AGR2: variants seen among roughly 807,000 people sequenced by gnomAD.
The protein encoded by AGR2 is anterior gradient protein 2 homolog.
A neutral mutation model predicts 25.9 loss-of-function variants in AGR2; 27 were observed. The observed-to-expected ratio is 1.04, with a 90% confidence interval of 0.77 to 1.44. The LOEUF (loss-of-function observed/expected upper bound fraction) is 1.44, where lower values mean the gene tolerates loss of function less well. Ranked by LOEUF, AGR2 falls within the 40% of genes most tolerant of loss-of-function variation. The pLI is 0.00. For synonymous variants in AGR2, 78 were observed against 72.0 expected (o/e 1.08, Z -0.42); for missense variants, 182 against 200.9 (o/e 0.91, Z 0.57).
At chr7:16,802,661 GT>G (rs1785168897) in intron 1 of AGR2, among the ~76,000 whole-genome samples, 1 of 151,970 alleles carries the variant, frequency 6.6e-6, no homozygotes, top group African/African-American at 2.4e-5. Flanking sequence ...AGTTGGGACT[GT>G]TTGTATATAG....
At chr7:16,802,234 T>G (rs2115361045) in intron 1 of AGR2, among the ~76,000 whole-genome samples, 1 of 152,306 alleles carries the variant, frequency 6.6e-6, no homozygotes, top group South Asian at 2.1e-4. Flanking sequence ...CTTATTAATC[T>G]CTTATTGTGC....
At chr7:16,795,151 G>A (rs774649683) in intron 6 of AGR2, 132 bp from the exon 7 acceptor site, 3 of 968,058 alleles carry the variant, frequency 3.1e-6, no homozygotes, top group Non-Finnish European at 4.7e-6. Context: ...ACTCACAGGA[G>A]CTCTGATCCA....
intron 4 of AGR2, 128 bp from the exon 5 acceptor site, chr7:16,799,945 CT>C: frequency 1.5e-6 from 1 of 656,170 alleles, no homozygotes; most frequent in Non-Finnish European, 2.6e-6. Context: ...CTACTTTGGC[CT>C]TTTAGCAAAT....
chr7:16,799,366 A>T (rs536647899), intron 5 of AGR2, among the ~76,000 whole-genome samples: 88 of 152,266 alleles, frequency 5.8e-4, no homozygotes, highest in African/African-American at 2.1e-3. Context: ...AAAGCACAAG[A>T]GGCATGATTA....
chr7:16,800,302 G>A (rs1785119681), intron 4 of AGR2, among the ~76,000 whole-genome samples: 1 of 152,224 alleles, frequency 6.6e-6, no homozygotes, highest in African/African-American at 2.4e-5. Flanking sequence ...TTGAAGTGAG[G>A]GAGTGGTCCA....
At chr7:16,799,209 T>C (rs1472751562) in intron 5 of AGR2, among the ~76,000 whole-genome samples, 5 of 152,116 alleles carry the variant, frequency 3.3e-5, no homozygotes, top group Non-Finnish European at 7.4e-5. Flanking sequence ...CAAAAGGACA[T>C]ATGATTAGGT....
At chr7:16,803,854 A>G (rs1785189902) in intron 1 of AGR2, among the ~76,000 whole-genome samples, 2 of 152,242 alleles carry the variant, frequency 1.3e-5, no homozygotes, top group South Asian at 4.1e-4. Context: ...GTTCAGAAAC[A>G]TATGGCAAAT....
intron 4 of AGR2, 100 bp downstream of exon 4, chr7:16,801,051 A>G (rs773028012): frequency 2.5e-5 from 21 of 824,562 alleles, no homozygotes; most frequent in Non-Finnish European, 3.8e-5. Flanking sequence ...TTCTTTCTTT[A>G]ATGCAACTGT....
At chr7:16,804,495 A>C in intron 1 of AGR2, among the ~76,000 whole-genome samples, 1 of 152,212 alleles carries the variant, frequency 6.6e-6, no homozygotes, top group East Asian at 1.9e-4. Context: ...CAAAAAGAGA[A>C]AGAAAACTGT....
intron 5 of AGR2, among the ~76,000 whole-genome samples, chr7:16,799,042 G>A (rs1785095441): frequency 6.6e-6 from 1 of 152,130 alleles, no homozygotes; most frequent in African/African-American, 2.4e-5. Flanking sequence ...ACAAAATATG[G>A]AAAGAGAAAA....
Position 16,797,668 on chromosome 7 carries a change from A to G in AGR2, c.357T>C (p.Ser119=). The G allele has an allele frequency of 6.2e-7, 1 of 1,613,990 alleles. No individual in the cohort carries two copies. The highest frequency in any genetic ancestry group is 1.1e-5 in the South Asian group (1 of 91,022). Residue 119 remains serine, a synonymous_variant, in exon 6 of 8, where the codon TCT becomes TCC. Coordinates refer to ENST00000419304, the MANE Select transcript of AGR2 (RefSeq NM_006408.4). ...LVYETTDKHL[S]PDGQYVPRIM... ...TCCTGGGGACATACTGGCCATCAGG[A>G]GAAAGGTGTTTGTCAGTTGTTTCAT...
chr7:16,795,810 C>A (rs1192662132), intron 6 of AGR2, among the ~76,000 whole-genome samples: 1 of 152,156 alleles, frequency 6.6e-6, no homozygotes, highest in African/African-American at 2.4e-5. Context: ...ATGTGAGAAC[C>A]ATCTGCATGT....
rs1785128221 is a variant in AGR2 at position 16,800,769 on chromosome 7, G to A, written c.256+382C>T. Among the ~76,000 whole-genome samples, 4 of 152,310 alleles carry A rather than the reference G, an allele frequency of 2.6e-5. No homozygotes were observed. In the South Asian group the frequency reaches 8.3e-4, roughly 32 times the overall value. On this transcript the variant is annotated intron_variant, in intron 4 of 7. Transcript: ENST00000419304. ...GAATTACTAAGACTTTTAAGACAAT[G>A]ATAGCCAAGTTTAAACCAAGTTTGG... is the stretch of plus-strand genomic sequence containing the variant.
At chr7:16,800,765 C>T (rs1159064401) in intron 4 of AGR2, among the ~76,000 whole-genome samples, 1 of 152,156 alleles carries the variant, frequency 6.6e-6, no homozygotes, top group African/African-American at 2.4e-5. Flanking sequence ...ACTTTTAAGA[C>T]AATGATAGCC....
Position 16,801,387 on chromosome 7 carries a change from G to A in AGR2, c.140-4C>T, listed in dbSNP as rs754894899. ...CAGATGAGTTGGTCACCCCAACCTA[G>A]AATGAAATGAATCAGTATATTTGAA... On this transcript the variant is annotated splice_polypyrimidine_tract_variant and splice_region_variant and intron_variant, in intron 2 of 7. Coordinates refer to ENST00000419304, the MANE Select transcript of AGR2 (RefSeq NM_006408.4). 3 of 1,611,372 alleles carry A rather than the reference G, an allele frequency of 1.9e-6. No homozygotes were observed. The South Asian group carries it at 3.3e-5, about 18-fold the overall frequency.
At chr7:16,801,428 G>T in intron 2 of AGR2, 45 bp from the exon 3 acceptor site, 3 of 1,569,524 alleles carry the variant, frequency 1.9e-6, no homozygotes, top group Non-Finnish European at 2.6e-6. Context: ...TATAAATTCA[G>T]ACCCAAAGCT....
Position 16,795,003 on chromosome 7 carries a change from A to G in AGR2, c.411T>C (p.Val137=), listed in dbSNP as rs956780531. Residue 137 remains valine, a synonymous_variant, in exon 7 of 8, where the codon GTT becomes GTC. Coordinates refer to ENST00000419304, the MANE Select transcript of AGR2 (RefSeq NM_006408.4). ...AATATCTTCCAGTGATATCGGCTCT[A>G]ACTGTCAGAGATGGGTCTGCAAAGA... is the stretch of plus-strand genomic sequence containing the variant. The part of the protein sequence containing the change: ...RIMFVDPSLT[V]RADITGRYSN... The G allele has an allele frequency of 5.0e-6, 8 of 1,614,064 alleles. No homozygotes were observed. The African/African-American group carries it at 1.1e-4, about 22-fold the overall frequency.
At chr7:16,803,774 ACTT>A (rs1256382029) in intron 1 of AGR2, among the ~76,000 whole-genome samples, 1 of 152,224 alleles carries the variant, frequency 6.6e-6, no homozygotes, top group Non-Finnish European at 1.5e-5. Context: ...TTGTATAAAG[ACTT>A]CTTTGTAATG....
Position 16,794,928 on chromosome 7 carries a change from A to G in AGR2, c.478+8T>C, listed in dbSNP as rs763816388. 3.7e-6 allele frequency: 6 copies of G among 1,614,094 alleles called. No individual in the cohort carries two copies. The African/African-American group carries it at 8.0e-5, about 22-fold the overall frequency. ...TTGGGCAACATCCGAATTGAAGGTCACACTTACACAGAGCTGTATCTGCAG... is the reference window on the plus strand; with the variant it reads ...TTGGGCAACATCCGAATTGAAGGTCGCACTTACACAGAGCTGTATCTGCAG... On this transcript the variant is annotated splice_region_variant and intron_variant, in intron 7 of 7. Coordinates refer to ENST00000419304, the MANE Select transcript of AGR2 (RefSeq NM_006408.4).
Sources: allele counts gnomAD v4.1 joint callset (sites outside exome capture counted in the v4.1 genomes callset), GRCh38; gene constraint gnomAD v4.1.1; transcripts MANE v1.5; gene names NCBI Gene and HGNC (gene_info 2026-07-23, HGNC 2026-07-21).